Variants in DLC1 observed in about 807,000 individuals in gnomAD.
The protein encoded by DLC1 is DLC1 Rho GTPase activating protein.
In DLC1, 54 loss-of-function variants were observed where a neutral mutation model predicts 140.3. That is an observed-to-expected ratio of 0.38 (90% CI 0.31 to 0.48). The LOEUF (loss-of-function observed/expected upper bound fraction) is 0.48, where lower values mean the gene tolerates loss of function less well. Among genes scored for constraint, DLC1 ranks in the 20% least tolerant of loss-of-function variants. DLC1 has a pLI of 0.96. For missense variants in DLC1, 2,536 were observed against 1,907.0 expected (o/e 1.33, Z -6.14); for synonymous variants, 986 against 728.1 (o/e 1.35, Z -5.70).
chr8:13,147,640 G>C (rs1245951251), intron 5 of DLC1, among the ~76,000 whole-genome samples: 1 of 152,090 alleles, frequency 6.6e-6, no homozygotes, highest in African/African-American at 2.4e-5. Context: ...TGAGAGTGTG[G>C]GATCTCAAGG....
At chr8:13,085,960 G>A (rs1354269245) in intron 17 of DLC1, 29 bp from the exon 18 acceptor site, 1 of 1,609,136 alleles carries the variant, frequency 6.2e-7, no homozygotes, top group Admixed American at 1.7e-5. Context: ...AAAAGCTGAT[G>A]AATTATTTAA....
intron 5 of DLC1, among the ~76,000 whole-genome samples, chr8:13,122,028 A>G (rs937106450): frequency 2.0e-5 from 3 of 151,758 alleles, no homozygotes; most frequent in Admixed American, 6.6e-5. Context: ...GGACTTTTTC[A>G]CCCTTGGATT....
At chr8:13,304,670 T>C (rs1366719599) in intron 5 of DLC1, 1 of 945,828 alleles carries the variant, frequency 1.1e-6, no homozygotes, top group Non-Finnish European at 1.3e-6. Context: ...CATAAGATAG[T>C]ATGATTTTTT....
At chr8:13,462,545 A>G (rs372414076) in intron 2 of DLC1, among the ~76,000 whole-genome samples, 19 of 150,306 alleles carry the variant, frequency 1.3e-4, no homozygotes, top group Admixed American at 7.3e-4. Flanking sequence ...GTGGGACTAC[A>G]GGTGTCCGCC....
chr8:13,118,678 C>A (rs141279348), intron 5 of DLC1, among the ~76,000 whole-genome samples: 6 of 152,144 alleles, frequency 3.9e-5, no homozygotes, highest in Non-Finnish European at 8.8e-5. Context: ...ATCCAATGTA[C>A]GTACTGATTT....
rs1357632134 is a variant in DLC1, at chr8:13,094,951, G to C, written c.3334C>G (p.Leu1112Val). Reference protein sequence around the residue: ...LRNHCLDQVGLFRKSGVKSRI... With the variant: ...LRNHCLDQVGVFRKSGVKSRI... ...GACTTGACCCCCGATTTTCTGAAGAGCCCAACCTGTCGGAAGAGCAACACT... is the reference window on the plus strand; with the variant it reads ...GACTTGACCCCCGATTTTCTGAAGACCCCAACCTGTCGGAAGAGCAACACT... The change falls in exon 12 of 18, where the codon CTC becomes GTC. Residue 1112 changes from leucine (L) to valine (V), a missense_variant. Leu to Val is a conservative substitution (Grantham distance 32). Transcript: ENST00000276297. The C allele has an allele frequency of 6.2e-7, 1 of 1,614,166 alleles. No individual in the cohort carries two copies.
At chr8:13,304,748 A>G in intron 5 of DLC1, 2 of 956,612 alleles carry the variant, frequency 2.1e-6, no homozygotes, top group East Asian at 1.2e-4. Flanking sequence ...GTCCTTGTCC[A>G]TTTCCCATAA....
intron 1 of DLC1, chr8:13,568,230 T>G: frequency 3.4e-6 from 1 of 297,102 alleles, no homozygotes; most frequent in Non-Finnish European, 6.6e-6. Context: ...AAGTAATAAC[T>G]GTCTTTGGCG....
chr8:13,567,910 C>G (rs1345024527), intron 1 of DLC1: 3 of 1,551,696 alleles, frequency 1.9e-6, no homozygotes, highest in Admixed American at 2.0e-5. Flanking sequence ...GCGACTTACT[C>G]TAATCAAACC....
chr8:13,167,084 A>G (rs912390974), intron 5 of DLC1, among the ~76,000 whole-genome samples: 2 of 152,206 alleles, frequency 1.3e-5, no homozygotes, highest in Non-Finnish European at 2.9e-5. Context: ...CCTAGTATAT[A>G]TTGAGCTGAA....
At chr8:13,197,224 T>C (rs2117050590) in intron 5 of DLC1, among the ~76,000 whole-genome samples, 1 of 152,352 alleles carries the variant, frequency 6.6e-6, no homozygotes, top group South Asian at 2.1e-4. Context: ...AATGTTCAAC[T>C]TATTTGCTCT....
chr8:13,094,622 C>A, intron 12 of DLC1, 137 bp downstream of exon 12: 1 of 1,052,662 alleles, frequency 9.5e-7, no homozygotes, highest in East Asian at 2.6e-5. Context: ...GCCGAGGTCA[C>A]GCCACTGCAC....
chr8:13,191,765 C>A (rs553768641), intron 5 of DLC1, among the ~76,000 whole-genome samples: 1 of 152,062 alleles, frequency 6.6e-6, no homozygotes, highest in Non-Finnish European at 1.5e-5. Context: ...CTGTGTGTGA[C>A]TGTGGCCACA....
chr8:13,322,520 A>T (rs1347345285), intron 4 of DLC1, among the ~76,000 whole-genome samples: 1 of 152,112 alleles, frequency 6.6e-6, no homozygotes, highest in Admixed American at 6.6e-5. Flanking sequence ...CTGAGGATTT[A>T]AACTGGGTAT....
At chr8:13,571,560 G>C (rs1041031801) in intron 1 of DLC1, among the ~76,000 whole-genome samples, 1 of 152,118 alleles carries the variant, frequency 6.6e-6, no homozygotes, top group Non-Finnish European at 1.5e-5. Context: ...TTCCATTGTA[G>C]GTATATGTAA....
At chr8:13,599,850 T>G (rs949907886) in intron 1 of DLC1, among the ~76,000 whole-genome samples, 1 of 151,974 alleles carries the variant, frequency 6.6e-6, no homozygotes, top group Non-Finnish European at 1.5e-5. Context: ...AATTTTTATA[T>G]GATAACTAAC....
Position 13,084,746 on chromosome 8 carries a change from C to CG in DLC1, c.*1064dup, listed in dbSNP as rs1165276553. 13 of 152,140 alleles carry CG rather than the reference C, an allele frequency of 8.5e-5. No homozygotes were observed. Among genetic ancestry groups the CG allele is most frequent in the Admixed American group, 4.6e-4 (7 of 15,280 alleles). 9.4% of individuals were successfully genotyped at this position (152,140 alleles called of 1,614,324 possible). A position where few individuals can be genotyped will look rare whatever the true frequency, so the allele number is the denominator to read the frequency against. On this transcript the variant is annotated 3_prime_UTR_variant, in exon 18 of 18. Transcript: ENST00000276297. ...CAGGAATGCCGTTAACAACCAAAGG[C>CG]GGGGAAAAAGCCTTTTGTAGGTGAG...
chr8:13,265,534 G>T (rs190609183), intron 5 of DLC1, among the ~76,000 whole-genome samples: 4 of 152,178 alleles, frequency 2.6e-5, no homozygotes, highest in African/African-American at 9.7e-5. Context: ...ATGAGAGCTC[G>T]GAATGTGTGT....
intron 5 of DLC1, among the ~76,000 whole-genome samples, chr8:13,184,802 T>A (rs1826251024): frequency 6.6e-6 from 1 of 152,216 alleles, no homozygotes; most frequent in Non-Finnish European, 1.5e-5. Context: ...GTTCTGTAGA[T>A]GTCTATTAGG....
Sources: allele counts gnomAD v4.1 joint callset (sites outside exome capture counted in the v4.1 genomes callset), GRCh38; gene constraint gnomAD v4.1.1; transcripts MANE v1.5; gene names NCBI Gene and HGNC (gene_info 2026-07-23, HGNC 2026-07-21).